The following DENND1A variants were observed in gnomAD, a reference collection of about 807,000 sequenced individuals.
DENND1A encodes DENN domain containing 1A, also known as DENN domain-containing protein 1A.
A neutral mutation model predicts 113.7 loss-of-function variants in DENND1A; 51 were observed. The observed-to-expected ratio is 0.45, with a 90% confidence interval of 0.36 to 0.57. The LOEUF (loss-of-function observed/expected upper bound fraction) is 0.57. Ranked by LOEUF, DENND1A falls within the 20% of genes least tolerant of loss-of-function variation. DENND1A has a pLI of 0.00. For synonymous variants in DENND1A, 565 were observed against 570.8 expected (o/e 0.99, Z 0.14); for missense variants, 1,258 against 1,395.9 (o/e 0.90, Z 1.57).
At chr9:123,715,192 T>C (rs1435464476) in intron 5 of DENND1A, among the ~76,000 whole-genome samples, 1 of 151,672 alleles carries the variant, frequency 6.6e-6, no homozygotes, top group East Asian at 1.9e-4. Flanking sequence ...AAAAAAATAA[T>C]AATAATAATA....
At chr9:123,401,789 C>A in intron 21 of DENND1A, 1 of 1,614,192 alleles carries the variant, frequency 6.2e-7, no homozygotes, top group Non-Finnish European at 8.5e-7. Context: ...TCTGCCCAGT[C>A]TGGAAAAGCA....
intron 19 of DENND1A, among the ~76,000 whole-genome samples, chr9:123,431,362 A>C (rs1185859854): frequency 6.6e-6 from 1 of 152,172 alleles, no homozygotes; most frequent in South Asian, 2.1e-4. Context: ...TCTTGGTTCC[A>C]ACTGAGGCCC....
chr9:123,868,071 G>A (rs1238115927), intron 2 of DENND1A, among the ~76,000 whole-genome samples: 2 of 152,202 alleles, frequency 1.3e-5, no homozygotes, highest in African/African-American at 2.4e-5. Flanking sequence ...GGACTTCTCA[G>A]TGTTAAGAGC....
At chr9:123,423,256 C>A (rs867435069) in intron 19 of DENND1A, among the ~76,000 whole-genome samples, 3 of 152,082 alleles carry the variant, frequency 2.0e-5, no homozygotes, top group East Asian at 1.9e-4. Flanking sequence ...CGGTAAGAGT[C>A]CCCTGGAAAG....
intron 18 of DENND1A, among the ~76,000 whole-genome samples, chr9:123,442,299 C>G (rs2046986520): frequency 6.6e-6 from 1 of 152,052 alleles, no homozygotes; most frequent in Non-Finnish European, 1.5e-5. Flanking sequence ...TCAGGTGGCC[C>G]ACGTTTGATC....
intron 2 of DENND1A, among the ~76,000 whole-genome samples, chr9:123,853,822 A>G (rs1392098262): frequency 6.6e-6 from 1 of 152,194 alleles, no homozygotes; most frequent in Admixed American, 6.5e-5. Flanking sequence ...ACTTAGAGAC[A>G]TCTTTCTATC....
rs1284745771 is a variant in DENND1A at position 123,383,867 on chromosome 9, C to T, written c.1807G>A (p.Asp603Asn). The change falls in exon 23 of 24, where the codon GAC (aspartate) becomes AAC (asparagine). Residue 603 changes from aspartate to asparagine, a missense_variant. By Grantham distance (23) the Asp-to-Asn change is conservative. Around this residue, in one of 2 missense-constraint regions of DENND1A, gnomAD observed 1,159 missense variants for 1,231.7 expected, o/e 0.94. Coordinates refer to ENST00000394215, the MANE Select transcript of DENND1A (RefSeq NM_001352964.2). Reference sequence around the variant, plus strand: ...TGCTGCTCTGGACTCTCTGCCTCGTCGCCTTCCGCGCTGTCTGACTCCCTG... The same window carrying T: ...TGCTGCTCTGGACTCTCTGCCTCGTTGCCTTCCGCGCTGTCTGACTCCCTG... ...TLRESDSAEG[D>N]EAESPEQQVR... The T allele has an allele frequency of 4.3e-6, 7 of 1,613,128 alleles. No individual in the cohort carries two copies. The highest frequency in any genetic ancestry group is 2.7e-5 in the African/African-American group (2 of 74,950).
intron 1 of DENND1A, among the ~76,000 whole-genome samples, chr9:123,886,014 C>T (rs1336266897): frequency 1.3e-5 from 2 of 152,282 alleles, no homozygotes; most frequent in South Asian, 4.1e-4. Context: ...TTGACCTCAA[C>T]TTATCTGCCC....
At chr9:123,389,345 C>T (rs905692213) in intron 21 of DENND1A, among the ~76,000 whole-genome samples, 2 of 152,246 alleles carry the variant, frequency 1.3e-5, no homozygotes, top group East Asian at 1.9e-4. Context: ...CAGGAGGCAG[C>T]GAGTCCCAGT....
chr9:123,782,698 A>C (rs1205731455), intron 3 of DENND1A, among the ~76,000 whole-genome samples: 1 of 152,194 alleles, frequency 6.6e-6, no homozygotes, highest in Non-Finnish European at 1.5e-5. Context: ...CTTTTGAAAA[A>C]CCAATTAGTA....
intron 1 of DENND1A, among the ~76,000 whole-genome samples, 182 bp downstream of exon 1, chr9:123,929,680 CCCCCGGCGCCCTGCCACCCCGCGCGCA>C (rs1291085638): frequency 6.6e-6 from 1 of 151,890 alleles, no homozygotes; most frequent in Non-Finnish European, 1.5e-5. Flanking sequence ...GGACACCTGA[CCCCCGGCGCCCTGCCACCCCGCGCGCA>C]CCCCGCCCCC....
chr9:123,808,821 C>A (rs1836052416), intron 2 of DENND1A, among the ~76,000 whole-genome samples: 1 of 152,144 alleles, frequency 6.6e-6, no homozygotes, highest in African/African-American at 2.4e-5. Context: ...ATAATACTTC[C>A]CAGTGAAAGC....
intron 21 of DENND1A, among the ~76,000 whole-genome samples, chr9:123,393,063 G>A (rs919263723): frequency 2.0e-5 from 3 of 152,226 alleles, no homozygotes; most frequent in African/African-American, 7.2e-5. Context: ...CTTGCTGATT[G>A]ATGGGCCTTT....
chr9:123,835,257 G>C (rs1349896531), intron 2 of DENND1A, among the ~76,000 whole-genome samples: 2 of 152,168 alleles, frequency 1.3e-5, no homozygotes, highest in Non-Finnish European at 2.9e-5. Flanking sequence ...AATGCTACCA[G>C]AATAGCACTG....
intron 13 of DENND1A, among the ~76,000 whole-genome samples, chr9:123,469,326 C>T (rs1027238070): frequency 6.6e-6 from 1 of 152,250 alleles, no homozygotes; most frequent in Non-Finnish European, 1.5e-5. Flanking sequence ...TGGGTGTCAG[C>T]CCAGAGCTAC....
chr9:123,506,247 TG>T (rs571842393), intron 13 of DENND1A, among the ~76,000 whole-genome samples: 112 of 152,326 alleles, frequency 7.4e-4, no homozygotes, highest in Non-Finnish European at 1.0e-3. Context: ...ATGAGTAATA[TG>T]TATAAAGTGC....
intron 12 of DENND1A, among the ~76,000 whole-genome samples, chr9:123,565,909 C>A (rs887048391): frequency 6.6e-6 from 1 of 152,178 alleles, no homozygotes; most frequent in African/African-American, 2.4e-5. Flanking sequence ...GAGAAAGGAA[C>A]AGAAACCAGT....
chr9:123,413,827 G>GC lies in DENND1A; in HGVS notation c.1489-1999dup, dbSNP rs111924051. On this transcript the variant is annotated intron_variant, in intron 19 of 23. Transcript: ENST00000394215. ...GAAGTGTGTGGGGGAAAGGGGAACA[G>GC]CCCCCCCACCCCTCAATTCACACCA... 6,305 of 985,170 alleles carry GC rather than the reference G, an allele frequency of 6.4e-3. 46 individuals are homozygous for GC. The highest frequency in any genetic ancestry group is 0.03 in the Admixed American group (490 of 16,254). The allele number at this position is 985,170 out of a possible 1,614,324, so 61.0% of individuals were successfully genotyped here. A position where few individuals can be genotyped will look rare whatever the true frequency, so the allele number is the denominator to read the frequency against.
intron 9 of DENND1A, among the ~76,000 whole-genome samples, chr9:123,631,136 G>A (rs73665313): frequency 0.037 from 5,695 of 152,162 alleles, 118 homozygotes; most frequent in African/African-American, 0.064. Flanking sequence ...TATCTCATAA[G>A]TATGTTAGTA....
Sources: allele counts gnomAD v4.1 joint callset (sites outside exome capture counted in the v4.1 genomes callset), GRCh38; gene constraint gnomAD v4.1.1; regional missense constraint gnomAD v4.1.1; transcripts MANE v1.5; gene names NCBI Gene and HGNC (gene_info 2026-07-23, HGNC 2026-07-21).